Variants in NAALADL2 observed in about 807,000 individuals in gnomAD.
NAALADL2 encodes N-acetylated alpha-linked acidic dipeptidase like 2, also known as inactive N-acetylated-alpha-linked acidic dipeptidase-like protein 2.
NAALADL2 carries 76 observed loss-of-function variants against 87.2 expected under a neutral mutation model. The ratio of observed to expected loss-of-function variants is 0.87; its 90% CI spans 0.72 to 1.05. The LOEUF (loss-of-function observed/expected upper bound fraction) is 1.05. Ranked by LOEUF, NAALADL2 falls within the 50% of genes least tolerant of loss-of-function variation. The probability of loss-of-function intolerance (pLI) is 0.00; values close to 1 mark genes in which losing one functional copy is unlikely to be tolerated. For synonymous variants in NAALADL2, 354 were observed against 331.0 expected, an observed-to-expected ratio of 1.07 and a Z score of -0.75; for missense variants, 1,089 against 945.8, an observed-to-expected ratio of 1.15 and a Z score of -1.99.
chr3:174,455,993 A>T (rs1475204498), intron 1 of NAALADL2, among the ~76,000 whole-genome samples: 1 of 152,184 alleles, frequency 6.6e-6, no homozygotes, highest in Non-Finnish European at 1.5e-5. Flanking sequence ...CCTTAAGCTG[A>T]TAAACAACTT....
intron 5 of NAALADL2, among the ~76,000 whole-genome samples, chr3:175,358,839 T>C (rs749041012): frequency 3.9e-5 from 6 of 152,044 alleles, no homozygotes; most frequent in Admixed American, 6.6e-5. Context: ...CCTTCCAAAT[T>C]TGGCACAATA....
chr3:174,922,948 A>G (rs1046206676), intron 1 of NAALADL2, among the ~76,000 whole-genome samples: 1 of 152,168 alleles, frequency 6.6e-6, no homozygotes, highest in Admixed American at 6.5e-5. Context: ...TCTCCATTTT[A>G]AAGTTCTTAT....
chr3:175,375,550 T>C (rs1222447382), intron 5 of NAALADL2, among the ~76,000 whole-genome samples: 1 of 152,146 alleles, frequency 6.6e-6, no homozygotes, highest in Non-Finnish European at 1.5e-5. Flanking sequence ...TCTTTATTAT[T>C]CTAAAATGTC....
intron 11 of NAALADL2, among the ~76,000 whole-genome samples, chr3:175,636,255 G>A (rs1728521196): frequency 6.6e-6 from 1 of 152,076 alleles, no homozygotes; most frequent in Non-Finnish European, 1.5e-5. Flanking sequence ...ACATGACCCT[G>A]AGAGTCACTC....
chr3:175,039,690 A>T (rs2108961053), intron 1 of NAALADL2, among the ~76,000 whole-genome samples: 1 of 152,310 alleles, frequency 6.6e-6, no homozygotes, highest in South Asian at 2.1e-4. Context: ...CAAGTGAAAC[A>T]GTAGAAATAG....
At chr3:175,031,678 C>T (rs1752815704) in intron 1 of NAALADL2, among the ~76,000 whole-genome samples, 1 of 151,986 alleles carries the variant, frequency 6.6e-6, no homozygotes, top group Non-Finnish European at 1.5e-5. Context: ...GTATTTAGTT[C>T]TTTGAGAAGT....
At position 175,313,318 on chromosome 3, in the gene NAALADL2, G is replaced by A. The variant is rs1758623558; in HGVS notation, c.940-10857G>A. Among the ~76,000 whole-genome samples, 3 of 151,932 alleles carry A rather than the reference G, an allele frequency of 2.0e-5. No individual in the cohort carries two copies. In the South Asian group the frequency reaches 6.2e-4, roughly 32 times the overall value. On this transcript the variant is annotated intron_variant, in intron 4 of 13. Coordinates refer to ENST00000454872, the MANE Select transcript of NAALADL2 (RefSeq NM_207015.3). ...AACACAATTCAGTCCATAACAGTGA[G>A]ACTTAAATTTTTCTGTAAAACTAAG...
At chr3:175,159,363 G>A (rs1454391524) in intron 2 of NAALADL2, among the ~76,000 whole-genome samples, 1 of 152,186 alleles carries the variant, frequency 6.6e-6, no homozygotes, top group Non-Finnish European at 1.5e-5. Flanking sequence ...TGAGTAGTGT[G>A]TGTGTCTGAG....
intron 1 of NAALADL2, among the ~76,000 whole-genome samples, chr3:175,092,334 G>C (rs1311363150): frequency 6.6e-6 from 1 of 151,572 alleles, no homozygotes; most frequent in Non-Finnish European, 1.5e-5. Flanking sequence ...CACTCATTTA[G>C]AGATTTACAA....
At chr3:175,292,706 A>C (rs1342332905) in intron 4 of NAALADL2, among the ~76,000 whole-genome samples, 1 of 151,772 alleles carries the variant, frequency 6.6e-6, no homozygotes, top group African/African-American at 2.4e-5. Context: ...ATTGATCACC[A>C]TGAGGTAGGC....
chr3:174,941,334 C>CT (rs953801821), intron 1 of NAALADL2, among the ~76,000 whole-genome samples: 24 of 151,788 alleles, frequency 1.6e-4, no homozygotes, highest in Non-Finnish European at 2.1e-4. Context: ...TCAGTCTTCT[C>CT]TTTTTTTTGC....
chr3:174,867,130 T>C (rs1727246191), intron 1 of NAALADL2, among the ~76,000 whole-genome samples: 1 of 145,960 alleles, frequency 6.9e-6, no homozygotes, highest in Non-Finnish European at 1.5e-5. Context: ...GATTAGATAA[T>C]AAATAGTTTA....
intron 9 of NAALADL2, among the ~76,000 whole-genome samples, chr3:175,555,307 CA>C (rs1022197449): frequency 3.1e-4 from 47 of 152,282 alleles, no homozygotes; most frequent in African/African-American, 1.1e-3. Flanking sequence ...TTCTAATTAG[CA>C]ATTCTTATTG....
chr3:175,483,385 T>A (rs1726799244), intron 9 of NAALADL2, among the ~76,000 whole-genome samples: 1 of 151,684 alleles, frequency 6.6e-6, no homozygotes, highest in South Asian at 2.1e-4. Flanking sequence ...ACATCTTTTT[T>A]CCTGACTTCT....
intron 4 of NAALADL2, among the ~76,000 whole-genome samples, chr3:175,314,947 C>G (rs935783455): frequency 2.0e-5 from 3 of 151,668 alleles, no homozygotes; most frequent in Non-Finnish European, 4.4e-5. Flanking sequence ...AAAGATGAAG[C>G]TATAAGGTTC....
chr3:174,887,303 ACTTG>A (rs1374433040), intron 1 of NAALADL2, among the ~76,000 whole-genome samples: 2 of 152,196 alleles, frequency 1.3e-5, no homozygotes, highest in Admixed American at 6.5e-5. Flanking sequence ...TTAACTACAT[ACTTG>A]CTTGCTTCTT....
chr3:175,520,902 C>T (rs1254094693), intron 9 of NAALADL2, among the ~76,000 whole-genome samples: 1 of 152,052 alleles, frequency 6.6e-6, no homozygotes, highest in Admixed American at 6.5e-5. Flanking sequence ...AAGAAGAAAA[C>T]AAAGCCCTAC....
intron 2 of NAALADL2, among the ~76,000 whole-genome samples, chr3:174,598,397 A>G (rs1279718141): frequency 2.0e-5 from 3 of 152,178 alleles, no homozygotes; most frequent in Non-Finnish European, 4.4e-5. Flanking sequence ...ATTTCAGTGG[A>G]AATTGTCACT....
chr3:174,756,706 T>A (rs1712128653), intron 3 of NAALADL2, among the ~76,000 whole-genome samples: 3 of 152,220 alleles, frequency 2.0e-5, no homozygotes, highest in Admixed American at 2.0e-4. Flanking sequence ...TAGGTGAATT[T>A]TGAAATAAAG....
Sources: allele counts gnomAD v4.1 joint callset (sites outside exome capture counted in the v4.1 genomes callset), GRCh38; gene constraint gnomAD v4.1.1; transcripts MANE v1.5; gene names NCBI Gene and HGNC (gene_info 2026-07-23, HGNC 2026-07-21).